Variants in YLPM1 observed in about 807,000 individuals in gnomAD.
YLPM1 encodes YLP motif-containing protein 1.
A neutral mutation model predicts 230.0 loss-of-function variants in YLPM1; 99 were observed. The observed-to-expected ratio is 0.43, with a 90% CI of 0.37 to 0.51. YLPM1 has a LOEUF of 0.51. Ranked by LOEUF, YLPM1 falls within the 20% of genes least tolerant of loss-of-function variation. The pLI is 0.00. For synonymous variants in YLPM1, 984 were observed against 942.5 expected, an observed-to-expected ratio of 1.04 and a Z score of -0.81; for missense variants, 2,592 against 2,707.7, an observed-to-expected ratio of 0.96 and a Z score of 0.95.
chr14:74,776,289 T>G (rs2140081030), intron 1 of YLPM1, among the ~76,000 whole-genome samples: 1 of 152,356 alleles, frequency 6.6e-6, no homozygotes, highest in African/African-American at 2.4e-5. Context: ...AGGGTTAGGT[T>G]CCTGTGAGTC....
In YLPM1 at chr14:74,777,576, A is replaced by T. The variant is rs185817210; in HGVS notation, c.874-871A>T. Among the ~76,000 whole-genome samples the T allele has an allele frequency of 2.3e-3, 354 of 152,142 alleles. 2 individuals are homozygous for T. The highest frequency in any genetic ancestry group is 0.014 in the Middle Eastern group (4 of 294). On this transcript the variant is annotated intron_variant, in intron 1 of 20. Transcript: ENST00000325680. ...AGCAAGACTCCATCTCAAAAAAAAA[A>T]AAATAAATAAAACACAGCATATTCT...
intron 1 of YLPM1, among the ~76,000 whole-genome samples, chr14:74,776,776 T>C (rs2091044523): frequency 5.9e-5 from 9 of 152,084 alleles, no homozygotes. Context: ...TAGAAATAAA[T>C]TTTAGGTCGG....
At chr14:74,764,544 C>CA (rs899946156) in intron 1 of YLPM1, among the ~76,000 whole-genome samples, 182 bp downstream of exon 1, 1 of 151,958 alleles carries the variant, frequency 6.6e-6, no homozygotes, top group African/African-American at 2.4e-5. Context: ...TGTGAATTAC[C>CA]AAAAAAACAG....
At chr14:74,790,809 T>G (rs2140100269) in intron 4 of YLPM1, among the ~76,000 whole-genome samples, 1 of 152,336 alleles carries the variant, frequency 6.6e-6, no homozygotes, top group South Asian at 2.1e-4. Flanking sequence ...TATTTAAAGG[T>G]GGCTTATTTT....
rs781764577 is a variant in YLPM1 at position 74,763,988 on chromosome 14, C to T, written c.499C>T (p.Pro167Ser). The change falls in exon 1 of 21, where the codon CCA becomes TCA. Residue 167 changes from proline (P) to serine (S), a missense_variant. Transcript: ENST00000325680. ...YMPPSQSYMP[P>S]PQPPPSYYPP... ...GCCCCCATCTCAGTCTTACATGCCC[C>T]CACCTCAGCCGCCACCCTCTTACTA... is the stretch of plus-strand genomic sequence containing the variant. 6 of 1,584,960 alleles carry T rather than the reference C, an allele frequency of 3.8e-6. No homozygotes were observed. The highest frequency in any genetic ancestry group is 1.4e-5 in the African/African-American group (1 of 71,102).
chr14:74,807,492 G>A (rs1239929287), intron 6 of YLPM1, among the ~76,000 whole-genome samples: 1 of 151,940 alleles, frequency 6.6e-6, no homozygotes, highest in African/African-American at 2.4e-5. Context: ...GACCAGCCTG[G>A]GCAACATAGC....
chr14:74,834,441 A>G (rs941263406), intron 19 of YLPM1, among the ~76,000 whole-genome samples: 13 of 152,176 alleles, frequency 8.5e-5, no homozygotes, highest in Non-Finnish European at 1.3e-4. Context: ...AAATTCAGTT[A>G]TTGATCTAGG....
chr14:74,835,532 A>G, intron 20 of YLPM1, 85 bp downstream of exon 20: 2 of 1,189,874 alleles, frequency 1.7e-6, no homozygotes, highest in Non-Finnish European at 2.4e-6. Context: ...TTTTGCTAAA[A>G]ATGCTCTCTT....
At chr14:74,816,062 C>T in intron 11 of YLPM1, 141 bp from the exon 12 acceptor site, 1 of 654,160 alleles carries the variant, frequency 1.5e-6, no homozygotes, top group Non-Finnish European at 2.5e-6. Flanking sequence ...TTATTTCTGT[C>T]CTTTCAAATT....
Position 74,781,452 on chromosome 14 carries a change from C to T in YLPM1, c.1409C>T (p.Pro470Leu). The T allele has an allele frequency of 6.2e-7, 1 of 1,612,506 alleles. No homozygotes were observed. Among genetic ancestry groups the T allele is most frequent in the Non-Finnish European group, 8.5e-7 (1 of 1,179,174 alleles). The change falls in exon 4 of 21, where the codon CCT (proline) becomes CTT (leucine). Residue 470 changes from proline (P) to leucine (L), a missense_variant. Physicochemically the swap from Pro to Leu is moderately conservative, Grantham distance 98. Around this residue, in one of 4 missense-constraint regions of YLPM1, gnomAD observed 1,862 missense variants for 1,819.8 expected, o/e 1.02. Transcript: ENST00000325680. ...TGGGAGGAACAACTCCATTCCTATC[C>T]TCATAAAGATCAGCTTCAGGAGTAT... ...QLWEEQLHSY[P>L]HKDQLQEYEK...
intron 4 of YLPM1, among the ~76,000 whole-genome samples, chr14:74,794,190 CT>C (rs368927266): frequency 7.4e-5 from 11 of 149,346 alleles, no homozygotes; most frequent in East Asian, 2.0e-4. Context: ...CTTTCTCTCT[CT>C]TTTTTTTTTG....
intron 4 of YLPM1, among the ~76,000 whole-genome samples, chr14:74,793,481 G>A (rs2091227748): frequency 6.6e-6 from 1 of 152,094 alleles, no homozygotes; most frequent in African/African-American, 2.4e-5. Flanking sequence ...CATTGTTCTT[G>A]ATTTATAGAT....
At chr14:74,790,807 G>A (rs2091199144) in intron 4 of YLPM1, among the ~76,000 whole-genome samples, 1 of 152,004 alleles carries the variant, frequency 6.6e-6, no homozygotes, top group Non-Finnish European at 1.5e-5. Flanking sequence ...TATATTTAAA[G>A]GTGGCTTATT....
At chr14:74,835,016 G>A in intron 19 of YLPM1, 1 of 387,042 alleles carries the variant, frequency 2.6e-6, no homozygotes, top group Admixed American at 4.1e-5. Flanking sequence ...AATGGCAGAG[G>A]AGAAAGAGAG....
intron 16 of YLPM1, among the ~76,000 whole-genome samples, chr14:74,820,156 C>T (rs1175926547): frequency 6.6e-6 from 1 of 152,104 alleles, no homozygotes; most frequent in Non-Finnish European, 1.5e-5. Context: ...AAATATTGTT[C>T]GTCCAAACCT....
At chr14:74,824,589 A>G (rs541068970) in intron 18 of YLPM1, among the ~76,000 whole-genome samples, 2 of 152,272 alleles carry the variant, frequency 1.3e-5, no homozygotes, top group Middle Eastern at 3.4e-3. Context: ...CTATTCTTTT[A>G]TATTAATCAG....
Position 74,798,146 on chromosome 14 carries a change from A to T in YLPM1, c.2849A>T (p.Lys950Met), listed in dbSNP as rs369432574. The change falls in exon 5 of 21, where the codon AAG (lysine) becomes ATG (methionine). Residue 950 changes from lysine to methionine, a missense_variant. Lys to Met is a moderately conservative substitution (Grantham distance 95). This residue lies in a region of YLPM1 where 1,862 missense variants were observed against 1,819.8 expected (regional missense o/e 1.02). Coordinates refer to ENST00000325680, the MANE Select transcript of YLPM1 (RefSeq NM_019589.3). The part of the protein sequence containing the change: ...AVTQPVPLAN[K>M]PVPAQSTFPS... ...ACTCAGCCTGTACCCCTTGCGAATA[A>T]GCCTGTACCTGCTCAATCTACTTTT... The T allele has an allele frequency of 8.1e-6, 13 of 1,613,904 alleles. No individual in the cohort carries two copies. The highest frequency in any genetic ancestry group is 1.0e-5 in the Non-Finnish European group (12 of 1,179,912).
At chr14:74,803,959 ATGAGCCTGACCAAC>A (rs1157564009) in intron 6 of YLPM1, among the ~76,000 whole-genome samples, 1 of 152,098 alleles carries the variant, frequency 6.6e-6, no homozygotes, top group Non-Finnish European at 1.5e-5. Flanking sequence ...GGAGTTTGAG[ATGAGCCTGACCAAC>A]TTGGAGAAAC....
intron 16 of YLPM1, among the ~76,000 whole-genome samples, chr14:74,820,787 G>A (rs2091514934): frequency 6.6e-6 from 1 of 152,100 alleles, no homozygotes; most frequent in Non-Finnish European, 1.5e-5. Flanking sequence ...GTAATCCATA[G>A]GCATTCAAAA....
Sources: gnomAD v4.1 joint callset for allele counts (sites outside exome capture counted in the v4.1 genomes callset) on GRCh38, gnomAD v4.1.1 for gene constraint, gnomAD v4.1.1 regional missense constraint, MANE v1.5 for transcripts, NCBI Gene and HGNC (gene_info 2026-07-23, HGNC 2026-07-21) for gene names.